Variants in TRIM5 observed in about 807,000 individuals in gnomAD.
TRIM5 encodes the protein tripartite motif containing 5, also known as tripartite motif-containing protein 5.
Under a neutral mutation model 35.6 loss-of-function variants are expected in TRIM5, and 31 were observed. That is an observed-to-expected ratio of 0.87 (90% confidence interval 0.65 to 1.18). The LOEUF is 1.18. TRIM5 is among the 50% of genes most tolerant of loss of function. The pLI is 0.00. For synonymous variants in TRIM5, 243 were observed against 215.6 expected, an observed-to-expected ratio of 1.13 and a Z score of -1.11; for missense variants, 609 against 591.6, an observed-to-expected ratio of 1.03 and a Z score of -0.31.
chr11:5,631,713 A>AT, the TRIM5 span, among the ~76,000 whole-genome samples: 5 of 152,280 alleles, frequency 3.3e-5, no homozygotes, highest in Non-Finnish European at 7.3e-5. Context: ...GAAGGAAGAT[A>AT]ATGAAACAAT....
At chr11:5,660,782 C>A (rs1183365307), downstream of TRIM5, among the ~76,000 whole-genome samples, 2 of 151,846 alleles carry the variant, frequency 1.3e-5, no homozygotes, top group African/African-American at 4.8e-5. Flanking sequence ...GTGGCTCACG[C>A]CTGTAATCCC....
chr11:5,665,622 C>T, intron 7 of TRIM5, 34 bp downstream of exon 7: 1 of 1,577,678 alleles, frequency 6.3e-7, no homozygotes, highest in Non-Finnish European at 8.6e-7. Context: ...TGATAAGCCG[C>T]AGGGTGGCTT....
the TRIM5 span, among the ~76,000 whole-genome samples, chr11:5,627,431 A>G: frequency 6.6e-6 from 1 of 152,170 alleles, no homozygotes; most frequent in South Asian, 2.1e-4. Flanking sequence ...TGGAAGAACA[A>G]TTTCCTGAAT....
chr11:5,653,030 T>G, the TRIM5 span, among the ~76,000 whole-genome samples: 1 of 151,998 alleles, frequency 6.6e-6, no homozygotes, highest in African/African-American at 2.4e-5. Context: ...TTTTTTGTAT[T>G]TTTGGTAGAG....
the TRIM5 span, among the ~76,000 whole-genome samples, chr11:5,627,254 C>A: frequency 1.3e-5 from 2 of 151,894 alleles, no homozygotes; most frequent in Non-Finnish European, 2.9e-5. Context: ...GTGGCAGGCA[C>A]CTGTAATCCC....
At chr11:5,630,411 C>T in the TRIM5 span, among the ~76,000 whole-genome samples, 1 of 152,126 alleles carries the variant, frequency 6.6e-6, no homozygotes, top group African/African-American at 2.4e-5. Context: ...CCTGCCCCCA[C>T]CTCCTATTCA....
the TRIM5 span, chr11:5,610,249 A>T: frequency 5.0e-6 from 8 of 1,613,748 alleles, no homozygotes; most frequent in South Asian, 1.1e-5. Context: ...TGTAGAGGTA[A>T]GGAGATTCAG....
chr11:5,658,083 C>T, the TRIM5 span, among the ~76,000 whole-genome samples: 1,156 of 152,244 alleles, frequency 7.6e-3, 8 homozygotes, highest in African/African-American at 0.025. Flanking sequence ...CAGGAATTTC[C>T]GTTTTTGTGC....
chr11:5,629,979 T>G, the TRIM5 span, among the ~76,000 whole-genome samples: 15 of 152,260 alleles, frequency 9.9e-5, no homozygotes, highest in South Asian at 3.1e-3. Flanking sequence ...GTGCTGAGAT[T>G]ACAGGGGTGA....
chr11:5,631,146 G>A, the TRIM5 span, among the ~76,000 whole-genome samples: 3 of 152,076 alleles, frequency 2.0e-5, no homozygotes, highest in Admixed American at 6.6e-5. Flanking sequence ...CTCCCCCAAC[G>A]AATACACACC....
the TRIM5 span, chr11:5,605,557 A>G: frequency 6.2e-7 from 1 of 1,612,700 alleles, no homozygotes; most frequent in Non-Finnish European, 8.5e-7. Flanking sequence ...TCAACAATGG[A>G]GCTGCTGCAG....
At chr11:5,682,948 G>C (rs1852620181) in intron 1 of TRIM5, among the ~76,000 whole-genome samples, 1 of 152,226 alleles carries the variant, frequency 6.6e-6, no homozygotes, top group Non-Finnish European at 1.5e-5. Flanking sequence ...GGTGTGGAGG[G>C]AGAGGGGCGA....
chr11:5,665,423 G>A, intron 7 of TRIM5, 28 bp from the exon 8 acceptor site: 19 of 1,565,430 alleles, frequency 1.2e-5, no homozygotes, highest in Non-Finnish European at 1.6e-5. Context: ...GGTCAGCTAA[G>A]GGATATAATG....
chr11:5,676,069 T>G (rs1365802544), intron 4 of TRIM5, among the ~76,000 whole-genome samples: 2 of 138,984 alleles, frequency 1.4e-5, no homozygotes, highest in East Asian at 2.0e-4. Flanking sequence ...CCATGGTGTA[T>G]ACGTGCCACA....
the TRIM5 span, chr11:5,633,840 G>C: frequency 6.2e-7 from 1 of 1,613,940 alleles, no homozygotes; most frequent in East Asian, 2.2e-5. Context: ...GCTGAAGAAG[G>C]AAGAGGAGGA....
the TRIM5 span, among the ~76,000 whole-genome samples, chr11:5,654,256 C>T: frequency 1.3e-5 from 2 of 152,056 alleles, no homozygotes; most frequent in African/African-American, 2.4e-5. Flanking sequence ...ACATTGATAT[C>T]TACACATCTG....
the TRIM5 span, among the ~76,000 whole-genome samples, chr11:5,636,939 G>A: frequency 2.0e-5 from 3 of 152,294 alleles, no homozygotes; most frequent in Admixed American, 6.5e-5. Flanking sequence ...GAGGTCAGGA[G>A]ATCGAGATCA....
At chr11:5,639,735 G>C in the TRIM5 span, among the ~76,000 whole-genome samples, 2 of 149,146 alleles carry the variant, frequency 1.3e-5, no homozygotes, top group African/African-American at 5.0e-5. Flanking sequence ...TATAGGCGGT[G>C]GATAGAACAG....
At chr11:5,592,930 AG>A in the TRIM5 span, among the ~76,000 whole-genome samples, 8,815 of 127,410 alleles carry the variant, frequency 0.069, 362 homozygotes, top group East Asian at 0.11. Context: ...AAAAAAAAAA[AG>A]AAAAAAGAAA....
Sources: allele counts gnomAD v4.1 joint callset (sites outside exome capture counted in the v4.1 genomes callset), GRCh38; gene constraint gnomAD v4.1.1; transcripts MANE v1.5; gene names NCBI Gene and HGNC (gene_info 2026-07-23, HGNC 2026-07-21).